The following PDE10A variants were observed in gnomAD, a reference collection of about 807,000 sequenced individuals.
PDE10A encodes phosphodiesterase 10A.
In PDE10A, 39 loss-of-function variants were observed where a neutral mutation model predicts 97.7. The ratio of observed to expected loss-of-function variants is 0.40; its 90% CI spans 0.31 to 0.52. The LOEUF is 0.52. Among genes scored for constraint, PDE10A ranks in the 20% least tolerant of loss-of-function variants. The pLI is 0.56. For synonymous variants in PDE10A, 371 were observed against 376.8 expected (o/e 0.98, Z 0.18); for missense variants, 731 against 1,047.8 (o/e 0.70, Z 4.17).
intron 1 of PDE10A, among the ~76,000 whole-genome samples, chr6:165,740,788 A>C (rs1202837284): frequency 6.6e-6 from 1 of 152,226 alleles, no homozygotes; most frequent in Non-Finnish European, 1.5e-5. Flanking sequence ...TTAAAAAGTC[A>C]ATCTCATAGA....
At chr6:165,858,766 C>T (rs1277028689) in intron 1 of PDE10A, among the ~76,000 whole-genome samples, 2 of 152,200 alleles carry the variant, frequency 1.3e-5, no homozygotes, top group African/African-American at 4.8e-5. Context: ...GATGCTCCTC[C>T]TTGTGGCCAT....
chr6:165,548,041 A>G (rs1783821486), intron 1 of PDE10A, among the ~76,000 whole-genome samples: 1 of 152,094 alleles, frequency 6.6e-6, no homozygotes, highest in Non-Finnish European at 1.5e-5. Flanking sequence ...TAATGGCCCT[A>G]GGTACTCAAC....
At chr6:165,550,316 T>C (rs1370909877) in intron 1 of PDE10A, among the ~76,000 whole-genome samples, 1 of 152,234 alleles carries the variant, frequency 6.6e-6, no homozygotes, top group East Asian at 1.9e-4. Flanking sequence ...CAATAATCTC[T>C]TATTTATTGT....
intron 1 of PDE10A, among the ~76,000 whole-genome samples, chr6:165,602,313 C>T (rs778253452): frequency 1.6e-4 from 25 of 152,160 alleles, no homozygotes; most frequent in Non-Finnish European, 3.5e-4. Flanking sequence ...TCTTTCTCAA[C>T]CAAGAGCCCT....
chr6:165,638,532 A>G (rs1333661842), intron 1 of PDE10A, among the ~76,000 whole-genome samples: 1 of 152,242 alleles, frequency 6.6e-6, no homozygotes, highest in Non-Finnish European at 1.5e-5. Flanking sequence ...TCTTCAGACC[A>G]TCTAATTTGC....
Position 165,655,761 on chromosome 6 carries a change from G to A in PDE10A, c.865+6186C>T, listed in dbSNP as rs875592. On this transcript the variant is annotated intron_variant, in intron 1 of 21. Coordinates refer to ENST00000539869, the MANE Select transcript of PDE10A (RefSeq NM_001385079.1). The surrounding 1 kb of genome is among the most constrained non-coding windows in gnomAD (Gnocchi z 4.5). ...CTCCCCAAAGCCTCTGCTTTCATGC[G>A]GAGTAAACTGCAGTTTTTTCCTCTG... Among the ~76,000 whole-genome samples, 9,753 of 152,120 alleles carry A rather than the reference G, an allele frequency of 0.064. 908 individuals are homozygous for A. The highest frequency in any genetic ancestry group is 0.2 in the African/African-American group (8,141 of 41,470).
chr6:165,458,297 AC>A (rs1778081602), intron 3 of PDE10A, among the ~76,000 whole-genome samples: 1 of 152,048 alleles, frequency 6.6e-6, no homozygotes, highest in Admixed American at 6.6e-5. Context: ...TGAAATCTTA[AC>A]CCCCACTGTG....
chr6:165,351,932 C>T (rs1386095348), intron 18 of PDE10A, among the ~76,000 whole-genome samples: 1 of 152,196 alleles, frequency 6.6e-6, no homozygotes, highest in East Asian at 1.9e-4. Context: ...CAGCTTACTG[C>T]AACCTCTGCC....
chr6:165,550,019 TG>T (rs1783935231), intron 1 of PDE10A, among the ~76,000 whole-genome samples: 1 of 152,198 alleles, frequency 6.6e-6, no homozygotes, highest in African/African-American at 2.4e-5. Flanking sequence ...CAAAAGCATA[TG>T]GCAAGTATCC....
At chr6:165,927,012 G>T (rs1782955263) in intron 1 of PDE10A, among the ~76,000 whole-genome samples, 1 of 151,134 alleles carries the variant, frequency 6.6e-6, no homozygotes. Flanking sequence ...TCACTTATAA[G>T]TGGGAGTTGA....
chr6:165,471,923 A>T (rs116170994), intron 3 of PDE10A, among the ~76,000 whole-genome samples: 4,084 of 152,228 alleles, frequency 0.027, 81 homozygotes, highest in South Asian at 0.068. Context: ...ACTAGTTAAC[A>T]GTCTCTTAAT....
At chr6:165,342,893 T>C (rs1483312453) in intron 19 of PDE10A, among the ~76,000 whole-genome samples, 1 of 152,220 alleles carries the variant, frequency 6.6e-6, no homozygotes, top group East Asian at 1.9e-4. Context: ...TCAGGAGTAT[T>C]ATGAATGAAT....
chr6:165,382,391 A>C (rs1206581365), intron 17 of PDE10A, among the ~76,000 whole-genome samples: 5 of 152,218 alleles, frequency 3.3e-5, no homozygotes, highest in Non-Finnish European at 7.3e-5. Flanking sequence ...TCATGATGGC[A>C]ATGCCTTTAC....
At chr6:165,356,908 T>C (rs531135912) in intron 18 of PDE10A, among the ~76,000 whole-genome samples, 1 of 152,274 alleles carries the variant, frequency 6.6e-6, no homozygotes, top group East Asian at 1.9e-4. Flanking sequence ...GCCTTTCATT[T>C]CTATTTCTTT....
At chr6:165,447,665 T>C (rs1032637044) in intron 5 of PDE10A, among the ~76,000 whole-genome samples, 9 of 152,254 alleles carry the variant, frequency 5.9e-5, no homozygotes, top group Non-Finnish European at 1.2e-4. Flanking sequence ...TATCCATTTG[T>C]TATTTTCGTA....
chr6:165,557,837 G>A (rs1784334587), intron 1 of PDE10A, among the ~76,000 whole-genome samples: 1 of 152,138 alleles, frequency 6.6e-6, no homozygotes, highest in African/African-American at 2.4e-5. Flanking sequence ...AAAAAACGAA[G>A]ACAAACAAAG....
intron 1 of PDE10A, among the ~76,000 whole-genome samples, chr6:165,960,596 G>C (rs1349179808): frequency 6.6e-6 from 1 of 152,246 alleles, no homozygotes; most frequent in African/African-American, 2.4e-5. Flanking sequence ...GAGAGCAGGG[G>C]ACAGCTAGAA....
intron 1 of PDE10A, among the ~76,000 whole-genome samples, chr6:165,597,123 C>T (rs555904373): frequency 1.3e-5 from 2 of 152,092 alleles, no homozygotes; most frequent in South Asian, 2.1e-4. Flanking sequence ...TCTGTCTTAC[C>T]CCTCCTCTCC....
chr6:165,841,403 G>A (rs1780255412), intron 1 of PDE10A, among the ~76,000 whole-genome samples: 2 of 152,214 alleles, frequency 1.3e-5, no homozygotes, highest in South Asian at 4.1e-4. Context: ...TCGCTTGCTG[G>A]CTTCTTGGTG....
Sources: allele counts gnomAD v4.1 joint callset (sites outside exome capture counted in the v4.1 genomes callset), GRCh38; gene constraint gnomAD v4.1.1; non-coding constraint Gnocchi (gnomAD v3.1); transcripts MANE v1.5; gene names NCBI Gene and HGNC (gene_info 2026-07-23, HGNC 2026-07-21).